EBF2: variants seen among roughly 807,000 people sequenced by gnomAD.
EBF2 encodes the protein transcription factor COE2.
Under a neutral mutation model 72.8 loss-of-function variants are expected in EBF2, and 21 were observed. That is an observed-to-expected ratio of 0.29 (90% CI 0.20 to 0.42). The LOEUF (loss-of-function observed/expected upper bound fraction) is 0.42, where lower values mean the gene tolerates loss of function less well. Ranked by LOEUF, EBF2 falls within the 10% of genes least tolerant of loss-of-function variation. The pLI is 1.00. For synonymous variants in EBF2, 299 were observed against 274.2 expected (o/e 1.09, Z -0.89); for missense variants, 637 against 731.2 (o/e 0.87, Z 1.49).
intron 10 of EBF2, among the ~76,000 whole-genome samples, chr8:25,873,704 C>T (rs972723086): frequency 2.0e-5 from 3 of 152,088 alleles, no homozygotes; most frequent in African/African-American, 7.2e-5. Flanking sequence ...AAAACTGCAG[C>T]AGCAAGACAG....
chr8:26,022,996 A>T (rs1001188903), intron 6 of EBF2, among the ~76,000 whole-genome samples: 4 of 152,202 alleles, frequency 2.6e-5, no homozygotes, highest in Non-Finnish European at 5.9e-5. Flanking sequence ...TCATCTAGTC[A>T]ATCCCTAGTG....
At chr8:25,948,244 C>T (rs1414611651) in intron 6 of EBF2, among the ~76,000 whole-genome samples, 1 of 152,184 alleles carries the variant, frequency 6.6e-6, no homozygotes, top group Non-Finnish European at 1.5e-5. Context: ...TCTTTCCTGC[C>T]GCATACCTCC....
intron 15 of EBF2, among the ~76,000 whole-genome samples, chr8:25,848,473 G>A (rs1197190306): frequency 1.3e-5 from 2 of 152,142 alleles, no homozygotes; most frequent in Non-Finnish European, 2.9e-5. Context: ...AGCTCTTTGG[G>A]CTGGCTCAAA....
At chr8:25,893,797 G>T (rs879038628) in intron 7 of EBF2, among the ~76,000 whole-genome samples, 1 of 152,218 alleles carries the variant, frequency 6.6e-6, no homozygotes, top group Admixed American at 6.5e-5. Flanking sequence ...TTTGGGTGGA[G>T]TGAGACTTAG....
At chr8:25,915,895 T>C (rs1803206235) in intron 6 of EBF2, among the ~76,000 whole-genome samples, 1 of 152,088 alleles carries the variant, frequency 6.6e-6, no homozygotes, top group Non-Finnish European at 1.5e-5. Flanking sequence ...CTAACTGGGG[T>C]GTCCATACCA....
chr8:25,963,723 A>G (rs1280537412), intron 6 of EBF2, among the ~76,000 whole-genome samples: 2 of 152,240 alleles, frequency 1.3e-5, no homozygotes, highest in Non-Finnish European at 2.9e-5. Flanking sequence ...AACTGAGGAT[A>G]TCAAACATCA....
intron 6 of EBF2, among the ~76,000 whole-genome samples, chr8:25,975,733 A>G (rs1804258251): frequency 6.6e-6 from 1 of 152,156 alleles, no homozygotes; most frequent in Non-Finnish European, 1.5e-5. Context: ...AACATTTTAA[A>G]AAGTTTTATT....
chr8:25,877,123 AT>A, intron 10 of EBF2, among the ~76,000 whole-genome samples: 1 of 152,284 alleles, frequency 6.6e-6, no homozygotes, highest in Non-Finnish European at 1.5e-5. Context: ...AGATTTTACA[AT>A]TAGAGACAAT....
rs1397565461 is a variant in EBF2 at position 26,044,650 on chromosome 8, G to A, written c.131+79C>T. Reference sequence around the variant, plus strand: ...GGACAGGGAGAGAGAAAGGCACGGGGTGCGCGGGGGGGGTGCACACGGAGA... The same window carrying A: ...GGACAGGGAGAGAGAAAGGCACGGGATGCGCGGGGGGGGTGCACACGGAGA... On this transcript the variant is annotated intron_variant, in intron 1 of 15. Coordinates refer to ENST00000520164, the MANE Select transcript of EBF2 (RefSeq NM_022659.4). This position sits in a 1 kb window ranked among gnomAD's most constrained non-coding sequence, Gnocchi z 4.1. 5 of 1,531,660 alleles carry A rather than the reference G, an allele frequency of 3.3e-6. No individual in the cohort carries two copies. The highest frequency in any genetic ancestry group is 8.8e-7 in the Non-Finnish European group (1 of 1,137,402). 94.9% of individuals were successfully genotyped at this position (1,531,660 alleles called of 1,614,324 possible).
At chr8:25,961,944 A>G (rs1467718576) in intron 6 of EBF2, among the ~76,000 whole-genome samples, 2 of 152,180 alleles carry the variant, frequency 1.3e-5, no homozygotes, top group Non-Finnish European at 2.9e-5. Context: ...CTGTCCTTAA[A>G]AAATGTGTAA....
At chr8:25,903,192 T>G (rs1802983153) in intron 7 of EBF2, among the ~76,000 whole-genome samples, 1 of 151,430 alleles carries the variant, frequency 6.6e-6, no homozygotes, top group Non-Finnish European at 1.5e-5. Context: ...TCTGGGTTTT[T>G]TTTTTTTTTT....
intron 6 of EBF2, among the ~76,000 whole-genome samples, chr8:26,022,149 G>T (rs1212029282): frequency 6.6e-6 from 1 of 152,156 alleles, no homozygotes; most frequent in Non-Finnish European, 1.5e-5. Context: ...GAATCCCACT[G>T]TTTCTCTTGT....
At chr8:25,925,920 G>A (rs1188863142) in intron 6 of EBF2, among the ~76,000 whole-genome samples, 1 of 152,158 alleles carries the variant, frequency 6.6e-6, no homozygotes, top group Non-Finnish European at 1.5e-5. Flanking sequence ...ATTTGGGTTT[G>A]GAAATTCACA....
At chr8:25,915,704 C>T (rs1034680158) in intron 6 of EBF2, among the ~76,000 whole-genome samples, 3 of 149,946 alleles carry the variant, frequency 2.0e-5, no homozygotes, top group Non-Finnish European at 3.0e-5. Flanking sequence ...GAAAATCAAA[C>T]GTGGAATGAA....
intron 10 of EBF2, among the ~76,000 whole-genome samples, chr8:25,870,262 A>G (rs988465384): frequency 2.1e-4 from 32 of 151,418 alleles, no homozygotes; most frequent in Non-Finnish European, 3.4e-4. Context: ...TTTTTTTTAG[A>G]AATATGCACC....
rs1278339939 is a variant in EBF2 at position 26,040,030 on chromosome 8, A to G, written c.480T>C (p.Cys160=). The G allele has an allele frequency of 1.2e-6, 2 of 1,613,790 alleles. No homozygotes were observed. Among genetic ancestry groups the G allele is most frequent in the South Asian group, 1.1e-5 (1 of 91,084 alleles). ...GCCTGGGAAAAGGCGGCTCTTACCT[A>G]CACATCACTTCGTGCGTCAGGAGAA... ...CRVLLTHEVM[C]SRCCEKKSCG... is the part of the protein sequence containing the mutation. The change falls in exon 5 of 16, where the codon TGT becomes TGC. Residue 160 remains cysteine, a splice_region_variant and synonymous_variant. Coordinates refer to ENST00000520164, the MANE Select transcript of EBF2 (RefSeq NM_022659.4).
intron 6 of EBF2, among the ~76,000 whole-genome samples, chr8:25,972,552 A>G (rs1176031064): frequency 6.6e-6 from 1 of 152,168 alleles, no homozygotes; most frequent in Admixed American, 6.5e-5. Context: ...TCCTTGGATT[A>G]TTTCATAGAC....
chr8:25,945,832 A>T (rs1255390837), intron 6 of EBF2, among the ~76,000 whole-genome samples: 3 of 151,936 alleles, frequency 2.0e-5, no homozygotes, highest in Non-Finnish European at 4.4e-5. Flanking sequence ...ATATTTTTGG[A>T]GCTTTAGAAG....
At chr8:25,867,550 T>C (rs1360137415) in intron 10 of EBF2, among the ~76,000 whole-genome samples, 2 of 152,232 alleles carry the variant, frequency 1.3e-5, no homozygotes, top group East Asian at 3.8e-4. Context: ...GTTCTTTCTC[T>C]GCCTGTCTTG....
Sources: gnomAD v4.1 joint callset for allele counts (sites outside exome capture counted in the v4.1 genomes callset) on GRCh38, gnomAD v4.1.1 for gene constraint, Gnocchi (gnomAD v3.1) non-coding constraint, MANE v1.5 for transcripts, NCBI Gene and HGNC (gene_info 2026-07-23, HGNC 2026-07-21) for gene names.